Variants in IFT43 observed in about 807,000 individuals in gnomAD.
IFT43 encodes intraflagellar transport protein 43 homolog.
IFT43 carries 33 observed loss-of-function variants against 32.3 expected under a neutral mutation model. The observed-to-expected ratio is 1.02, with a 90% CI of 0.77 to 1.37. The LOEUF (loss-of-function observed/expected upper bound fraction) is 1.37, where lower values mean the gene tolerates loss of function less well. Among genes scored for constraint, IFT43 ranks in the 40% most tolerant of loss-of-function variants. The pLI is 0.00. For missense variants in IFT43, 274 were observed against 265.9 expected (o/e 1.03, Z -0.21); for synonymous variants, 93 against 98.2 (o/e 0.95, Z 0.31).
chr14:76,032,004 GA>G (rs1443908510), intron 3 of IFT43, among the ~76,000 whole-genome samples: 2 of 152,048 alleles, frequency 1.3e-5, no homozygotes, highest in African/African-American at 4.8e-5. Context: ...TTTTCAACTG[GA>G]ATATGCAACA....
At chr14:76,059,402 G>A (rs968017592) in intron 5 of IFT43, 29 bp downstream of exon 5, 2 of 1,607,646 alleles carry the variant, frequency 1.2e-6, no homozygotes, top group Non-Finnish European at 1.7e-6. Context: ...AAGTCAAAAG[G>A]TCTTCTAGAG....
At chr14:75,987,387 G>A (rs987716638) in intron 1 of IFT43, among the ~76,000 whole-genome samples, 2 of 152,066 alleles carry the variant, frequency 1.3e-5, no homozygotes, top group African/African-American at 2.4e-5. Flanking sequence ...GAGTTTTTAC[G>A]AGCTCTTCTG....
At chr14:76,058,816 C>A in intron 4 of IFT43, 142 bp downstream of exon 4, 2 of 1,568,142 alleles carry the variant, frequency 1.3e-6, no homozygotes, top group Non-Finnish European at 1.7e-6. Context: ...CCTGCTGAAT[C>A]CAAGGTTTGG....
chr14:75,987,767 C>T (rs1051890638), intron 1 of IFT43, among the ~76,000 whole-genome samples: 19 of 152,178 alleles, frequency 1.2e-4, no homozygotes, highest in African/African-American at 4.6e-4. Flanking sequence ...AGAGTCTCCA[C>T]CGGAGGGCCT....
At chr14:76,029,969 C>A (rs773137927) in intron 3 of IFT43, among the ~76,000 whole-genome samples, 7 of 150,564 alleles carry the variant, frequency 4.6e-5, no homozygotes, top group Non-Finnish European at 1.0e-4. Context: ...GTAACCCAGA[C>A]TCCTGGGCTC....
At position 76,051,985 on chromosome 14, in the gene IFT43, A is replaced by C. The variant is rs917341051; in HGVS notation, c.216-6657A>C. 1.4e-4 allele frequency among the ~76,000 whole-genome samples: 21 copies of C among 152,168 alleles called. 1 individual carries two copies. Among genetic ancestry groups the C allele is most frequent in the Admixed American group, 1.3e-3 (20 of 15,282 alleles). On this transcript the variant is annotated intron_variant, in intron 3 of 8. Transcript: ENST00000314067. Reference sequence around the variant, plus strand: ...CCTCCCCAGGTCGGAGTGATCCCTGAGGGATGGACTCGCATAGGGCCTTCC... The same window carrying C: ...CCTCCCCAGGTCGGAGTGATCCCTGCGGGATGGACTCGCATAGGGCCTTCC...
chr14:76,049,168 T>C (rs191322669), intron 3 of IFT43, among the ~76,000 whole-genome samples: 1 of 152,338 alleles, frequency 6.6e-6, no homozygotes, highest in African/African-American at 2.4e-5. Context: ...TGGCACATGG[T>C]TTCTACTAGT....
intron 1 of IFT43, chr14:75,986,169 G>A: frequency 7.5e-7 from 1 of 1,341,114 alleles, no homozygotes; most frequent in East Asian, 4.5e-5. Flanking sequence ...ATCACAGGGT[G>A]ATAGGGGAGC....
chr14:76,033,819 G>C (rs2036550346), intron 3 of IFT43, among the ~76,000 whole-genome samples: 1 of 152,168 alleles, frequency 6.6e-6, no homozygotes, highest in Admixed American at 6.5e-5. Flanking sequence ...AATGGCAAAA[G>C]GAGCATATTG....
chr14:76,043,713 T>C (rs1308981876), intron 3 of IFT43, among the ~76,000 whole-genome samples: 2 of 152,344 alleles, frequency 1.3e-5, no homozygotes, highest in South Asian at 4.1e-4. Flanking sequence ...ACACCAGATG[T>C]ATAGAAGTTT....
intron 2 of IFT43, among the ~76,000 whole-genome samples, chr14:76,021,927 T>A (rs2036298510): frequency 6.6e-6 from 1 of 152,224 alleles, no homozygotes; most frequent in Non-Finnish European, 1.5e-5. Flanking sequence ...TTGGTGTAGG[T>A]GACCTTACCC....
At chr14:75,999,228 TA>T (rs1210060247) in intron 2 of IFT43, among the ~76,000 whole-genome samples, 12 of 4,672 alleles carry the variant, frequency 2.6e-3, no homozygotes, top group Middle Eastern at 0.031. Flanking sequence ...AAATTCATTT[TA>T]TATATATATA....
At chr14:76,020,412 G>T (rs2036268740) in intron 2 of IFT43, among the ~76,000 whole-genome samples, 1 of 152,068 alleles carries the variant, frequency 6.6e-6, no homozygotes, top group Admixed American at 6.6e-5. Flanking sequence ...TTCCTTTAAA[G>T]GTGTCATGTT....
rs1491301918 is a variant in IFT43, at chr14:75,999,282, T to TA, written c.147+10305_147+10306insA. On this transcript the variant is annotated intron_variant, in intron 2 of 8. Coordinates refer to ENST00000314067, the MANE Select transcript of IFT43 (RefSeq NM_001102564.3). Reference sequence around the variant, plus strand: ...ATATATATATATATATGTATATATATTTTTTTTTTTTTTTTTTTAATTTTT... The same window carrying TA: ...ATATATATATATATATGTATATATATATTTTTTTTTTTTTTTTTTAATTTTT... Among the ~76,000 whole-genome samples the TA allele has an allele frequency of 5.4e-3, 143 of 26,340 alleles. 3 individuals are homozygous for TA. Among genetic ancestry groups the TA allele is most frequent in the Middle Eastern group, 0.042 (2 of 48 alleles). The allele number at this position is 26,340 out of a possible 152,430, so 17.3% of individuals were successfully genotyped here.
downstream of IFT43, chr14:76,083,748 T>TC: frequency 2.8e-6 from 2 of 722,020 alleles, no homozygotes; most frequent in Non-Finnish European, 4.9e-6. Context: ...TGCCATCTCC[T>TC]CCATTTCTTT....
chr14:76,002,528 A>T (rs891506065), intron 2 of IFT43, among the ~76,000 whole-genome samples: 1 of 152,200 alleles, frequency 6.6e-6, no homozygotes, highest in Admixed American at 6.5e-5. Context: ...AAAAGTAGCA[A>T]CAAGGCCATT....
intron 2 of IFT43, among the ~76,000 whole-genome samples, chr14:75,991,804 A>G (rs1196217867): frequency 1.3e-5 from 2 of 152,102 alleles, no homozygotes; most frequent in Admixed American, 1.3e-4. Context: ...TTGCCTCTGA[A>G]AGCAAGATGC....
At chr14:75,998,562 G>A (rs558896003) in intron 2 of IFT43, among the ~76,000 whole-genome samples, 8 of 152,300 alleles carry the variant, frequency 5.3e-5, no homozygotes, top group Admixed American at 1.3e-4. Context: ...GAGGAGAGGA[G>A]AAACCAAGCA....
intron 5 of IFT43, among the ~76,000 whole-genome samples, chr14:76,061,039 C>T (rs1367980496): frequency 1.3e-5 from 2 of 152,068 alleles, no homozygotes; most frequent in East Asian, 3.9e-4. Flanking sequence ...CTAGCTGGGA[C>T]TACAGTCACA....
Sources: allele counts gnomAD v4.1 joint callset (sites outside exome capture counted in the v4.1 genomes callset), GRCh38; gene constraint gnomAD v4.1.1; transcripts MANE v1.5; gene names NCBI Gene and HGNC (gene_info 2026-07-23, HGNC 2026-07-21).